Variants in ZEB2 observed in about 807,000 individuals in gnomAD.
ZEB2 encodes zinc finger E-box-binding homeobox 2.
ZEB2 carries 6 observed loss-of-function variants against 99.9 expected under a neutral mutation model. The ratio of observed to expected loss-of-function variants is 0.06; its 90% CI spans 0.03 to 0.12. The LOEUF (loss-of-function observed/expected upper bound fraction) is 0.12, where lower values mean the gene tolerates loss of function less well. Ranked by LOEUF, ZEB2 falls within the 10% of genes least tolerant of loss-of-function variation. ZEB2 has a pLI of 1.00. For missense variants in ZEB2, 969 were observed against 1,502.8 expected (o/e 0.64, Z 5.87); for synonymous variants, 517 against 542.5 (o/e 0.95, Z 0.65).
intron 2 of ZEB2, chr2:144,504,364 C>G (rs543974895): frequency 6.6e-6 from 1 of 152,360 alleles, no homozygotes; most frequent in African/African-American, 2.4e-5. Context: ...GAGATCAGTA[C>G]AGGAGGAGCT....
At position 144,398,391 on chromosome 2, in the gene ZEB2, T is replaced by C. The variant is rs1013434948; in HGVS notation, c.2796A>G (p.Leu932=). 1.2e-6 allele frequency: 2 copies of C among 1,613,874 alleles called. No individual in the cohort carries two copies. The highest frequency in any genetic ancestry group is 1.3e-5 in the African/African-American group (1 of 74,878). Residue 932 remains leucine (L), a synonymous_variant, in exon 8 of 10, where the codon CTA becomes CTG. Transcript: ENST00000627532. ...TTGGGTAGGTGTAGGCCATATGTGG[T>C]AGGAAGCTCATCTGATCCAGTCCTG... The part of the protein sequence containing the change: ...PYPGLDQMSF[L]PHMAYTYPTG...
At chr2:144,513,123 G>T (rs528883666) in intron 2 of ZEB2, 2 of 1,286,086 alleles carry the variant, frequency 1.6e-6, no homozygotes, top group African/African-American at 3.0e-5. Flanking sequence ...TGGAGAAGGG[G>T]TTGACTGCAT....
intron 2 of ZEB2, among the ~76,000 whole-genome samples, chr2:144,459,245 GT>G (rs1239197504): frequency 6.6e-6 from 1 of 152,116 alleles, no homozygotes; most frequent in Non-Finnish European, 1.5e-5. Flanking sequence ...TTATATAAAT[GT>G]GTATATCTTT....
In ZEB2 at chr2:144,441,164, CGAGAGAGAGAGAGA is replaced by C. The variant is rs113731061; in HGVS notation, c.74-11152_74-11139del. The stretch of plus-strand genomic sequence containing the variant: ...CCTTCCTTCTCTTCCTTTAGCTGCA[CGAGAGAGAGAGAGA>C]GAGAGAGAGAGAGAGAGAGAGAGAG... On this transcript the variant is annotated intron_variant, in intron 2 of 9. Coordinates refer to ENST00000627532, the MANE Select transcript of ZEB2 (RefSeq NM_014795.4). Among the ~76,000 whole-genome samples, 51 of 88,922 alleles carry C rather than the reference CGAGAGAGAGAGAGA, an allele frequency of 5.7e-4. 1 individual carries two copies. In the East Asian group the frequency reaches 9.4e-3, roughly 16 times the overall value. 58.3% of individuals were successfully genotyped at this position (88,922 alleles called of 152,430 possible).
In ZEB2 at chr2:144,502,689, G is replaced by A. The variant is rs547733475; in HGVS notation, c.73+14589C>T. Among the ~76,000 whole-genome samples, 9 of 152,252 alleles carry A rather than the reference G, an allele frequency of 5.9e-5. No homozygotes were observed. The East Asian group carries it at 1.5e-3, about 26-fold the overall frequency. Reference sequence around the variant, plus strand: ...AGATAAAGCTCAAGACACATTCAACGGGACGCTGGAATCTAAATTTAGTAC... The same window carrying A: ...AGATAAAGCTCAAGACACATTCAACAGGACGCTGGAATCTAAATTTAGTAC... On this transcript the variant is annotated intron_variant, in intron 2 of 9. Coordinates refer to ENST00000627532, the MANE Select transcript of ZEB2 (RefSeq NM_014795.4).
rs1365949612 is a variant in ZEB2 at position 144,387,427 on chromosome 2, G to A, written c.*2024C>T. On this transcript the variant is annotated 3_prime_UTR_variant, in exon 10 of 10. Coordinates refer to ENST00000627532, the MANE Select transcript of ZEB2 (RefSeq NM_014795.4). Reference sequence around the variant, plus strand: ...AAACCTACGAATACATTCATATTCTGAATATTAGGGTCATCTTGTAAAAAC... The same window carrying A: ...AAACCTACGAATACATTCATATTCTAAATATTAGGGTCATCTTGTAAAAAC... 1 of 152,064 alleles carries A rather than the reference G, an allele frequency of 6.6e-6. No homozygotes were observed. The highest frequency in any genetic ancestry group is 1.5e-5 in the Non-Finnish European group (1 of 67,996). The allele number at this position is 152,064 out of a possible 1,614,324, so 9.4% of individuals were successfully genotyped here.
chr2:144,483,148 A>ACACACACACACACATG (rs1553968378), intron 2 of ZEB2, among the ~76,000 whole-genome samples: 2,370 of 144,094 alleles, frequency 0.016, 85 homozygotes, highest in African/African-American at 0.056. Context: ...ACACACACAC[A>ACACACACACACACATG]CACACACACA....
intron 2 of ZEB2, among the ~76,000 whole-genome samples, chr2:144,432,201 A>G (rs1703783164): frequency 6.6e-6 from 1 of 152,204 alleles, no homozygotes; most frequent in South Asian, 2.1e-4. Flanking sequence ...GTCATGTCTC[A>G]CCATATAGGG....
In ZEB2 at chr2:144,387,902, C is replaced by G. The variant is rs535437890; in HGVS notation, c.*1549G>C. On this transcript the variant is annotated 3_prime_UTR_variant, in exon 10 of 10. Transcript: ENST00000627532. ...GGTACCAGTCAAAATTATTGCTAAA[C>G]TAAAATTATATGAAAAAAACATAAT... is the stretch of plus-strand genomic sequence containing the variant. 1.3e-5 allele frequency: 2 copies of G among 152,348 alleles called. No individual in the cohort carries two copies. Among genetic ancestry groups the G allele is most frequent in the Non-Finnish European group, 2.9e-5 (2 of 67,940 alleles). The allele number at this position is 152,348 out of a possible 1,614,324, so 9.4% of individuals were successfully genotyped here.
At chr2:144,481,585 A>C (rs1447649404) in intron 2 of ZEB2, among the ~76,000 whole-genome samples, 1 of 152,216 alleles carries the variant, frequency 6.6e-6, no homozygotes, top group Non-Finnish European at 1.5e-5. Context: ...ACACAGCATC[A>C]AGGTAAAGAA....
chr2:144,502,056 C>T (rs1213922568), intron 2 of ZEB2, among the ~76,000 whole-genome samples: 1 of 152,204 alleles, frequency 6.6e-6, no homozygotes, highest in Non-Finnish European at 1.5e-5. Flanking sequence ...CAATTCATCT[C>T]AGTCACTGCT....
chr2:144,399,707 G>A lies in ZEB2; in HGVS notation c.1480C>T (p.Pro494Ser), dbSNP rs144952836. 5,133 of 1,614,138 alleles carry A rather than the reference G, an allele frequency of 3.2e-3. 9 individuals are homozygous for A. Among genetic ancestry groups the A allele is most frequent in the Non-Finnish European group, 4.1e-3 (4,803 of 1,180,006 alleles). Reference protein sequence around the residue: ...SKLKGYHMKDPCSQPEEQGVT... With the variant: ...SKLKGYHMKDSCSQPEEQGVT... ...CCTTGTTCCTCAGGTTGAGAGCATG[G>A]ATCCTTCATGTGATAACCTTTCAAC... The change falls in exon 8 of 10, where the codon CCA becomes TCA. Residue 494 changes from proline (P) to serine (S), a missense_variant. This residue lies in a region of ZEB2 where 227 missense variants were observed against 278.2 expected (regional missense o/e 0.82). Transcript: ENST00000627532. This position sits in a 1 kb window ranked among gnomAD's most constrained non-coding sequence, Gnocchi z 5.6.
At chr2:144,461,252 A>G (rs1178707322) in intron 2 of ZEB2, 1 of 152,114 alleles carries the variant, frequency 6.6e-6, no homozygotes, top group African/African-American at 2.4e-5. Flanking sequence ...CCCGGAGTAT[A>G]AAAGCATTAA....
At chr2:144,403,825 C>T (rs1703345421) in intron 6 of ZEB2, 91 bp downstream of exon 6, 1 of 1,532,292 alleles carries the variant, frequency 6.5e-7, no homozygotes, top group Non-Finnish European at 9.0e-7. Context: ...TTCAAAATGC[C>T]ATGAAAAATT....
At chr2:144,395,123 G>T (rs931093434) in intron 9 of ZEB2, among the ~76,000 whole-genome samples, 7 of 149,808 alleles carry the variant, frequency 4.7e-5, no homozygotes, top group Non-Finnish European at 8.9e-5. Context: ...AGCCTCCCAA[G>T]TAGCTGGGAC....
At chr2:144,463,514 G>C (rs1421486006) in intron 2 of ZEB2, 1 of 152,042 alleles carries the variant, frequency 6.6e-6, no homozygotes, top group African/African-American at 2.4e-5. Flanking sequence ...ACATGCCATA[G>C]TTTCAAATAG....
At chr2:144,467,046 G>C (rs548584571) in intron 2 of ZEB2, among the ~76,000 whole-genome samples, 38 of 152,134 alleles carry the variant, frequency 2.5e-4, no homozygotes, top group African/African-American at 8.7e-4. Flanking sequence ...ACTGACATAA[G>C]GAATGGTTTA....
At chr2:144,449,103 C>G (rs1264967172) in intron 2 of ZEB2, among the ~76,000 whole-genome samples, 1 of 152,212 alleles carries the variant, frequency 6.6e-6, no homozygotes, top group Non-Finnish European at 1.5e-5. Context: ...CCTGCGCACG[C>G]TGGGGCAAGG....
At chr2:144,513,812 T>G (rs923253403) in intron 2 of ZEB2, 16 of 1,535,884 alleles carry the variant, frequency 1.0e-5, no homozygotes, top group African/African-American at 1.4e-5. Context: ...GTGGAGATAG[T>G]GGGGTATAAT....
Sources: gnomAD v4.1 joint callset for allele counts (sites outside exome capture counted in the v4.1 genomes callset) on GRCh38, gnomAD v4.1.1 for gene constraint, gnomAD v4.1.1 regional missense constraint, Gnocchi (gnomAD v3.1) non-coding constraint, MANE v1.5 for transcripts, NCBI Gene and HGNC (gene_info 2026-07-23, HGNC 2026-07-21) for gene names.